The following C22orf23 variants were observed in gnomAD, a reference collection of about 807,000 sequenced individuals.
C22orf23 encodes the protein chromosome 22 open reading frame 23, also known as UPF0193 protein EVG1.
C22orf23 carries 30 observed loss-of-function variants against 29.7 expected under a neutral mutation model. The ratio of observed to expected loss-of-function variants is 1.01; its 90% CI spans 0.76 to 1.37. The LOEUF (loss-of-function observed/expected upper bound fraction) is 1.37. Among genes scored for constraint, C22orf23 ranks in the 40% most tolerant of loss-of-function variants. C22orf23 has a pLI of 0.00. For missense variants in C22orf23, 237 were observed against 273.1 expected (o/e 0.87, Z 0.93); for synonymous variants, 90 against 96.1 (o/e 0.94, Z 0.37).
intron 1 of C22orf23, 123 bp downstream of exon 1, chr22:37,953,323 TAC>T (rs2145720932): frequency 2.0e-5 from 12 of 602,394 alleles, no homozygotes; most frequent in Admixed American, 2.9e-5. Context: ...GACACACAGA[TAC>T]ACACACACAG....
rs1259464847 is a variant in C22orf23 at position 37,943,732 on chromosome 22, C to T, written c.*443G>A. Reference sequence around the variant, plus strand: ...GAAAACAAAATGGTGCTTGTAATGACCCACGTTAAATATGTTTTATTGGCC... The same window carrying T: ...GAAAACAAAATGGTGCTTGTAATGATCCACGTTAAATATGTTTTATTGGCC... On this transcript the variant is annotated 3_prime_UTR_variant, in exon 7 of 7. Transcript: ENST00000403305. 1 of 186,686 alleles carries T rather than the reference C, an allele frequency of 5.4e-6. No individual in the cohort carries two copies. Among genetic ancestry groups the T allele is most frequent in the Admixed American group, 5.4e-5 (1 of 18,576 alleles). The allele number at this position is 186,686 out of a possible 1,614,324, so 11.6% of individuals were successfully genotyped here.
chr22:37,953,124 A>G lies in C22orf23; in HGVS notation c.26T>C (p.Val9Ala). Residue 9 changes from valine to alanine, a missense_variant, in exon 2 of 7, where the codon GTA becomes GCA. Transcript: ENST00000403305. MASQKQME[V>A]VTKGTGFRRR... is the part of the protein sequence containing the mutation. ...CCGGAACCCAGTTCCTTTGGTCACT[A>G]CCTCCATCTGCTTCTGTGAAGCCAT... is the stretch of plus-strand genomic sequence containing the variant. 6.2e-7 allele frequency: 1 copy of G among 1,613,694 alleles called. No individual in the cohort carries two copies. The highest frequency in any genetic ancestry group is 1.1e-5 in the South Asian group (1 of 91,058).
chr22:37,953,093 G>T lies in C22orf23; in HGVS notation c.57C>A (p.Arg19=). Residue 19 remains arginine, a synonymous_variant, in exon 2 of 7, where the codon CGC becomes CGA. Transcript: ENST00000403305. The part of the protein sequence containing the change: ...VVTKGTGFRR[R]PKTITYTPGT... The stretch of plus-strand genomic sequence containing the variant: ...CCGGGGTGTAAGTGATGGTCTTGGG[G>T]CGGCGCCGGAACCCAGTTCCTTTGG... The T allele has an allele frequency of 6.2e-7, 1 of 1,613,996 alleles. No homozygotes were observed.
intron 6 of C22orf23, 69 bp from the exon 7 acceptor site, chr22:37,944,315 C>G: frequency 6.2e-7 from 1 of 1,613,592 alleles, no homozygotes; most frequent in Non-Finnish European, 8.5e-7. Flanking sequence ...CAGCAGTGAG[C>G]TAGAGCCTGA....
intron 2 of C22orf23, 192 bp from the exon 3 acceptor site, chr22:37,951,714 T>C (rs1371796994): frequency 2.8e-5 from 10 of 360,632 alleles, no homozygotes; most frequent in African/African-American, 2.1e-4. Flanking sequence ...TTTATTGTTA[T>C]CCTTCTATAT....
chr22:37,946,128 A>AG (rs939162880), intron 4 of C22orf23, among the ~76,000 whole-genome samples: 5 of 151,872 alleles, frequency 3.3e-5, no homozygotes, highest in Non-Finnish European at 7.4e-5. Flanking sequence ...GCGTGATGGC[A>AG]GGTGCCTGTA....
chr22:37,946,350 C>T (rs534342915), intron 4 of C22orf23, among the ~76,000 whole-genome samples: 58 of 151,310 alleles, frequency 3.8e-4, no homozygotes, highest in African/African-American at 1.1e-3. Context: ...TGCCTGAACC[C>T]AGGAGGTGGA....
chr22:37,953,013 A>T (rs1931158636), intron 2 of C22orf23, 34 bp downstream of exon 2: 20 of 1,531,036 alleles, frequency 1.3e-5, no homozygotes, highest in Non-Finnish European at 1.7e-5. Flanking sequence ...CCCTGGTGCC[A>T]AAAAGGCTGG....
intron 3 of C22orf23, chr22:37,951,191 G>A (rs921886923): frequency 2.4e-5 from 7 of 287,284 alleles, no homozygotes; most frequent in Admixed American, 1.4e-4. Context: ...CAGCCTGGGC[G>A]ACAGAGTGAG....
rs766060211 is a variant in C22orf23 at position 37,945,070 on chromosome 22, T to TG, written c.452dup (p.Ala152SerfsTer3). 24 of 1,613,090 alleles carry TG rather than the reference T, an allele frequency of 1.5e-5. No homozygotes were observed. In the South Asian group the frequency reaches 2.4e-4, roughly 16 times the overall value. On this transcript the variant is annotated frameshift_variant, in exon 5 of 7. Coordinates refer to ENST00000403305, the MANE Select transcript of C22orf23 (RefSeq NM_032561.5). LOFTEE classifies it high-confidence loss of function. ...CTTCAAATCGGTCTAGCTCAGGGGC[T>TG]GGAGCCTTCTGTCGTGCAGGAGGGG...
In C22orf23 at chr22:37,944,052, T is replaced by G; in HGVS notation, c.*123A>C. ...GCCTTGGGGTACTGCAGGGCAGTGC[T>G]ATGCCACCACCTGACGTGGCAGAAG... On this transcript the variant is annotated 3_prime_UTR_variant, in exon 7 of 7. Transcript: ENST00000403305. 1.1e-6 allele frequency: 1 copy of G among 895,124 alleles called. No individual in the cohort carries two copies. Among genetic ancestry groups the G allele is most frequent in the Non-Finnish European group, 1.9e-6 (1 of 535,020 alleles). 55.4% of individuals were successfully genotyped at this position (895,124 alleles called of 1,614,324 possible). A position where few individuals can be genotyped will look rare whatever the true frequency, so the allele number is the denominator to read the frequency against.
intron 5 of C22orf23, chr22:37,944,794 G>A: frequency 1.7e-6 from 1 of 574,874 alleles, no homozygotes; most frequent in South Asian, 2.3e-5. Context: ...AGCTACTCAG[G>A]TGGCTGAGGC....
At chr22:37,951,715 CCTT>C (rs1169801055) in intron 2 of C22orf23, 193 bp from the exon 3 acceptor site, 5 of 339,720 alleles carry the variant, frequency 1.5e-5, no homozygotes, top group East Asian at 4.6e-5. Context: ...TTATTGTTAT[CCTT>C]CTATATTAGC....
intron 3 of C22orf23, among the ~76,000 whole-genome samples, chr22:37,950,066 A>G (rs1422137316): frequency 6.7e-6 from 1 of 150,356 alleles, no homozygotes; most frequent in East Asian, 2.0e-4. Flanking sequence ...TCCCAAAGTG[A>G]TAGGATTATA....
At chr22:37,949,774 T>A (rs1930909863) in intron 3 of C22orf23, among the ~76,000 whole-genome samples, 1 of 151,946 alleles carries the variant, frequency 6.6e-6, no homozygotes, top group South Asian at 2.1e-4. Context: ...ACTGTTTTGA[T>A]CTGGGTGCCT....
At chr22:37,947,136 T>C (rs139860) in intron 4 of C22orf23, 145 bp downstream of exon 4, 505,131 of 775,050 alleles carry the variant, frequency 0.65, 166,504 homozygotes, top group African/African-American at 0.83. Context: ...TAAGCCAACA[T>C]GTGCTGAGGC....
intron 3 of C22orf23, among the ~76,000 whole-genome samples, chr22:37,949,646 G>A (rs921723852): frequency 1.1e-4 from 16 of 151,208 alleles, no homozygotes; most frequent in African/African-American, 3.9e-4. Flanking sequence ...TTTAGTAGGG[G>A]TGGAGTTTCA....
chr22:37,953,403 T>C lies in C22orf23; in HGVS notation c.-10+45A>G, dbSNP rs1361418127. 7 of 570,430 alleles carry C rather than the reference T, an allele frequency of 1.2e-5. No homozygotes were observed. In the Admixed American group the frequency reaches 2.3e-4, roughly 18 times the overall value. 35.3% of individuals were successfully genotyped at this position (570,430 alleles called of 1,614,324 possible). ...GGAGGGAGTGTTAACACAGCCATGGTCACAACAGTACCCACTGAGTGATAT... is the reference window on the plus strand; with the variant it reads ...GGAGGGAGTGTTAACACAGCCATGGCCACAACAGTACCCACTGAGTGATAT... On this transcript the variant is annotated intron_variant, in intron 1 of 6. Transcript: ENST00000403305.
Position 37,953,068 on chromosome 22 carries a change from C to G in C22orf23, c.82G>C (p.Gly28Arg), listed in dbSNP as rs1364905499. ...TGACCTCTGAGCAGCTCGCAGGTCC[C>G]CGGGGTGTAAGTGATGGTCTTGGGG... ...RRPKTITYTPGTCELLRVMMK... is the reference protein window; with the variant it reads ...RRPKTITYTPRTCELLRVMMK... Residue 28 changes from glycine to arginine, a missense_variant, in exon 2 of 7, where the codon GGG (glycine) becomes CGG (arginine). Coordinates refer to ENST00000403305, the MANE Select transcript of C22orf23 (RefSeq NM_032561.5). The G allele has an allele frequency of 6.2e-7, 1 of 1,613,844 alleles. No homozygotes were observed. The highest frequency in any genetic ancestry group is 8.5e-7 in the Non-Finnish European group (1 of 1,179,872).
Sources: allele counts gnomAD v4.1 joint callset (sites outside exome capture counted in the v4.1 genomes callset), GRCh38; gene constraint gnomAD v4.1.1; transcripts MANE v1.5; gene names NCBI Gene and HGNC (gene_info 2026-07-23, HGNC 2026-07-21).